Variants in DCC observed in about 807,000 individuals in gnomAD.
DCC encodes the protein netrin receptor DCC.
In DCC, 58 loss-of-function variants were observed where a neutral mutation model predicts 172.5. The ratio of observed to expected loss-of-function variants is 0.34; its 90% confidence interval spans 0.27 to 0.42. DCC has a LOEUF of 0.42. DCC is among the 10% of genes least tolerant of loss of function. The pLI is 1.00. For missense variants in DCC, 1,740 were observed against 1,791.0 expected (o/e 0.97, Z 0.51); for synonymous variants, 709 against 644.5 (o/e 1.10, Z -1.52).
intron 7 of DCC, among the ~76,000 whole-genome samples, chr18:53,070,859 A>G (rs2042642119): frequency 1.3e-5 from 2 of 152,200 alleles, no homozygotes. Context: ...CAGGTCTTCA[A>G]AGAATGCCAC....
intron 2 of DCC, among the ~76,000 whole-genome samples, chr18:52,878,205 G>A (rs904049520): frequency 1.2e-4 from 18 of 152,094 alleles, no homozygotes; most frequent in African/African-American, 1.7e-4. Flanking sequence ...CTGATCATGT[G>A]CTTTGCTAGT....
chr18:52,985,215 G>T (rs1019338059), intron 5 of DCC, among the ~76,000 whole-genome samples: 1 of 151,800 alleles, frequency 6.6e-6, no homozygotes, highest in African/African-American at 2.4e-5. Context: ...TCCATGCTTG[G>T]GTTTCCTTTT....
chr18:53,112,554 G>A (rs566604054), intron 7 of DCC, among the ~76,000 whole-genome samples: 80 of 151,504 alleles, frequency 5.3e-4, no homozygotes, highest in African/African-American at 1.9e-3. Flanking sequence ...TCAAATTATG[G>A]GTGTATGAAT....
At chr18:52,911,217 A>T (rs1334410662) in intron 3 of DCC, among the ~76,000 whole-genome samples, 1 of 152,128 alleles carries the variant, frequency 6.6e-6, no homozygotes, top group Non-Finnish European at 1.5e-5. Context: ...CCAGGTAGTT[A>T]ATTCGCGTAG....
chr18:52,583,969 G>A (rs2033615006), intron 1 of DCC, among the ~76,000 whole-genome samples: 1 of 151,910 alleles, frequency 6.6e-6, no homozygotes, highest in Admixed American at 6.6e-5. Context: ...ACCTACTTTC[G>A]AAACTTACTG....
chr18:52,385,901 C>T (rs575295310), intron 1 of DCC, among the ~76,000 whole-genome samples: 1 of 152,088 alleles, frequency 6.6e-6, no homozygotes, highest in African/African-American at 2.4e-5. Context: ...CTATAATAGC[C>T]ATCTAATTAG....
intron 1 of DCC, among the ~76,000 whole-genome samples, chr18:52,468,924 G>A (rs1334574211): frequency 1.3e-5 from 2 of 152,068 alleles, no homozygotes; most frequent in African/African-American, 4.8e-5. Flanking sequence ...GTCTATGACT[G>A]TCTTATGTTT....
chr18:53,178,069 C>A (rs565188190), intron 8 of DCC, among the ~76,000 whole-genome samples: 1 of 152,128 alleles, frequency 6.6e-6, no homozygotes, highest in South Asian at 2.1e-4. Flanking sequence ...CCTTGAGAAA[C>A]AATTGAGAAT....
chr18:52,877,451 G>A (rs893007534), intron 2 of DCC, among the ~76,000 whole-genome samples: 1 of 152,164 alleles, frequency 6.6e-6, no homozygotes. Context: ...CCTCACACTT[G>A]TAATCCTAGC....
chr18:52,712,032 G>A (rs2036301206), intron 1 of DCC, among the ~76,000 whole-genome samples: 1 of 151,786 alleles, frequency 6.6e-6, no homozygotes, highest in Admixed American at 6.6e-5. Flanking sequence ...TGTGACCTTG[G>A]CTCGCTGCAA....
intron 5 of DCC, among the ~76,000 whole-genome samples, chr18:53,042,840 G>T (rs747490497): frequency 6.6e-6 from 1 of 151,814 alleles, no homozygotes; most frequent in Non-Finnish European, 1.5e-5. Flanking sequence ...GAGAAATAGG[G>T]ACACTTTTAC....
At chr18:53,285,233 C>A (rs138749631) in intron 12 of DCC, among the ~76,000 whole-genome samples, 10 of 152,254 alleles carry the variant, frequency 6.6e-5, no homozygotes, top group East Asian at 5.8e-4. Context: ...ATGCCAGATA[C>A]CTTTGTGGCA....
intron 2 of DCC, among the ~76,000 whole-genome samples, chr18:52,855,018 G>C (rs1363549351): frequency 2.0e-5 from 3 of 152,194 alleles, no homozygotes; most frequent in African/African-American, 7.2e-5. Flanking sequence ...GCTGACAGTG[G>C]AATCAAGAGT....
At chr18:52,552,842 GA>G (rs1378036965) in intron 1 of DCC, among the ~76,000 whole-genome samples, 2 of 150,476 alleles carry the variant, frequency 1.3e-5, no homozygotes, top group Non-Finnish European at 3.0e-5. Context: ...AAGGAAAAAA[GA>G]AAAAAGTATT....
chr18:53,048,312 T>G (rs993274201), intron 5 of DCC, among the ~76,000 whole-genome samples: 4 of 151,798 alleles, frequency 2.6e-5, no homozygotes, highest in African/African-American at 7.3e-5. Context: ...GCGTCTGTGG[T>G]TCCGTTTTTT....
At chr18:53,478,659 TGGTAA>T in intron 25 of DCC, among the ~76,000 whole-genome samples, 1 of 152,308 alleles carries the variant, frequency 6.6e-6, no homozygotes, top group East Asian at 1.9e-4. Flanking sequence ...CACTTTGCCA[TGGTAA>T]TGGCTACTGG....
intron 1 of DCC, among the ~76,000 whole-genome samples, chr18:52,370,538 G>C (rs1372429297): frequency 6.6e-6 from 1 of 151,986 alleles, no homozygotes; most frequent in Non-Finnish European, 1.5e-5. Context: ...ACATTGGGGG[G>C]AACAATACAC....
In DCC at chr18:52,635,970, G is replaced by A. The variant is rs1369249332; in HGVS notation, c.92-116084G>A. ...CAAGAGGACACACAGACCCTCTGAC[G>A]GAAGTGGACTGCTCCTGCAGGACCT... On this transcript the variant is annotated intron_variant, in intron 1 of 28. Coordinates refer to ENST00000442544, the MANE Select transcript of DCC (RefSeq NM_005215.4). Among the ~76,000 whole-genome samples, 4 of 152,284 alleles carry A rather than the reference G, an allele frequency of 2.6e-5. No homozygotes were observed. In the East Asian group the frequency reaches 5.8e-4, roughly 22 times the overall value.
intron 2 of DCC, among the ~76,000 whole-genome samples, chr18:52,787,019 AG>A (rs1189748283): frequency 1.3e-5 from 2 of 152,200 alleles, no homozygotes; most frequent in Non-Finnish European, 2.9e-5. Flanking sequence ...TAGAGGAACT[AG>A]GCAGAGAGAA....
Sources: allele counts gnomAD v4.1 joint callset (sites outside exome capture counted in the v4.1 genomes callset), GRCh38; gene constraint gnomAD v4.1.1; transcripts MANE v1.5; gene names NCBI Gene and HGNC (gene_info 2026-07-23, HGNC 2026-07-21).